PUS1: variants seen among roughly 807,000 people sequenced by gnomAD.
The protein encoded by PUS1 is pseudouridylate synthase 1 homolog.
In PUS1, 25 loss-of-function variants were observed where a neutral mutation model predicts 38.5. The observed-to-expected ratio is 0.65, with a 90% CI of 0.47 to 0.91. The LOEUF (loss-of-function observed/expected upper bound fraction) is 0.91. PUS1 is among the 40% of genes least tolerant of loss of function. The pLI, the probability that PUS1 is intolerant of heterozygous loss-of-function variation, is 0.00. For synonymous variants in PUS1, 282 were observed against 260.4 expected (o/e 1.08, Z -0.80); for missense variants, 597 against 612.3 (o/e 0.97, Z 0.26).
chr12:131,929,853 G>A, intron 1 of PUS1, 54 bp from the exon 2 acceptor site: 3 of 576,336 alleles, frequency 5.2e-6, no homozygotes, highest in East Asian at 7.9e-5. Flanking sequence ...GCCCACCCCA[G>A]TCCACCCCGC....
chr12:131,943,295 C>T (rs753279762), intron 5 of PUS1, among the ~76,000 whole-genome samples: 2 of 152,190 alleles, frequency 1.3e-5, no homozygotes, highest in Middle Eastern at 3.2e-3. Flanking sequence ...GTGGTCAGTG[C>T]GACCTGTGAG....
At position 131,930,018 on chromosome 12, in the gene PUS1, A is replaced by G. The variant is rs1057523352; in HGVS notation, c.186A>G (p.Gly62=). 5 of 1,475,078 alleles carry G rather than the reference A, an allele frequency of 3.4e-6. No individual in the cohort carries two copies. The highest frequency in any genetic ancestry group is 4.5e-6 in the Non-Finnish European group (5 of 1,119,156). The allele number at this position is 1,475,078 out of a possible 1,614,324, so 91.4% of individuals were successfully genotyped here. Residue 62 remains glycine (G), a synonymous_variant, in exon 2 of 6, where the codon GGA becomes GGG. Coordinates refer to ENST00000376649, the MANE Select transcript of PUS1 (RefSeq NM_025215.6). ...RAGGDRVWED[G]EHPAKKLKSG... Reference sequence around the variant, plus strand: ...GGGGCGACCGCGTCTGGGAGGACGGAGAACATCCGGCGAAGAAGCTCAAGA... The same window carrying G: ...GGGGCGACCGCGTCTGGGAGGACGGGGAACATCCGGCGAAGAAGCTCAAGA...
chr12:131,933,219 T>G (rs1316008906), intron 3 of PUS1, among the ~76,000 whole-genome samples: 2 of 148,770 alleles, frequency 1.3e-5, no homozygotes, highest in African/African-American at 5.0e-5. Context: ...TTTTTTTTAA[T>G]ATGGGGTCTT....
intron 3 of PUS1, chr12:131,932,696 A>G (rs547144631): frequency 1.0e-4 from 40 of 401,270 alleles, no homozygotes; most frequent in Non-Finnish European, 1.7e-4. Flanking sequence ...GTATGATGCA[A>G]CATTCTCTTT....
chr12:131,939,953 C>T (rs1031878323), intron 4 of PUS1, among the ~76,000 whole-genome samples: 3 of 152,058 alleles, frequency 2.0e-5, no homozygotes, highest in East Asian at 1.9e-4. Flanking sequence ...GTGAATCTGT[C>T]GTCTTGCTCT....
chr12:131,931,210 G>GT, intron 2 of PUS1, among the ~76,000 whole-genome samples: 1 of 152,136 alleles, frequency 6.6e-6, no homozygotes, highest in East Asian at 1.9e-4. Context: ...CCAGGCTGGA[G>GT]TGCAGTGGTG....
Position 131,929,948 on chromosome 12 carries a change from G to C in PUS1, c.116G>C (p.Gly39Ala), listed in dbSNP as rs199950927. 1.3e-6 allele frequency: 2 copies of C among 1,501,966 alleles called. No homozygotes were observed. The highest frequency in any genetic ancestry group is 2.1e-4 in the Middle Eastern group (1 of 4,874). 93.0% of individuals were successfully genotyped at this position (1,501,966 alleles called of 1,614,324 possible). The change falls in exon 2 of 6, where the codon GGA becomes GCA. Residue 39 changes from glycine to alanine, a missense_variant. Physicochemically the swap from Gly to Ala is moderately conservative, Grantham distance 60 (BLOSUM62 0). Transcript: ENST00000376649. ...GGGAACGCGGAGCCGCCGCCCGCCG[G>C]AGCCGCATGCCCCCAGGACCGGAGG... ...MAGNAEPPPA[G>A]AACPQDRRSC...
chr12:131,943,068 T>C (rs1891160407), intron 5 of PUS1, among the ~76,000 whole-genome samples: 2 of 152,248 alleles, frequency 1.3e-5, no homozygotes, highest in African/African-American at 2.4e-5. Flanking sequence ...TTAAATGTTA[T>C]CAAGGGAAAC....
Position 131,929,556 on chromosome 12 carries a change from C to A in PUS1, c.-167C>A. ...CGTCCAGGTCCGAGAGGTCAGGGGT[C>A]AGCTGGAGAGGGGCTGGGGCGCCGG... On this transcript the variant is annotated 5_prime_UTR_variant, in exon 1 of 6. Transcript: ENST00000376649. 1 of 563,668 alleles carries A rather than the reference C, an allele frequency of 1.8e-6. No individual in the cohort carries two copies. The highest frequency in any genetic ancestry group is 2.4e-5 in the South Asian group (1 of 41,624). The allele number at this position is 563,668 out of a possible 1,614,324, so 34.9% of individuals were successfully genotyped here. A position where few individuals can be genotyped will look rare whatever the true frequency, so the allele number is the denominator to read the frequency against.
In PUS1 at chr12:131,929,681, G is replaced by T; in HGVS notation, c.-42G>T. ...GGAGCTGGGGCACTGGGGGTCAGGG[G>T]TCGGGGATCAGGGCGGGGTCGGGTG... On this transcript the variant is annotated 5_prime_UTR_variant, in exon 1 of 6. Transcript: ENST00000376649. 1 of 1,513,742 alleles carries T rather than the reference G, an allele frequency of 6.6e-7. No homozygotes were observed. Among genetic ancestry groups the T allele is most frequent in the Non-Finnish European group, 8.8e-7 (1 of 1,132,668 alleles). 93.8% of individuals were successfully genotyped at this position (1,513,742 alleles called of 1,614,324 possible).
chr12:131,932,988 A>G (rs917830609), intron 3 of PUS1, among the ~76,000 whole-genome samples: 1 of 152,086 alleles, frequency 6.6e-6, no homozygotes. Flanking sequence ...GAGGAGGGTA[A>G]GGGGAAGAGC....
intron 3 of PUS1, among the ~76,000 whole-genome samples, chr12:131,936,575 CA>C (rs879478130): frequency 1.3e-5 from 2 of 151,772 alleles, no homozygotes; most frequent in Non-Finnish European, 2.9e-5. Context: ...AAAAACAAAA[CA>C]AAACAAAAGA....
chr12:131,930,214 G>A, intron 2 of PUS1, 79 bp downstream of exon 2: 1 of 1,062,486 alleles, frequency 9.4e-7, no homozygotes, highest in Non-Finnish European at 1.3e-6. Context: ...GGGTCCGGCT[G>A]GGTTTAGGTG....
chr12:131,940,430 G>T (rs779423803), intron 4 of PUS1, among the ~76,000 whole-genome samples: 1 of 152,154 alleles, frequency 6.6e-6, no homozygotes, highest in East Asian at 1.9e-4. Flanking sequence ...GGTGTGCCAC[G>T]GATTGTTTAT....
rs756406342 is a variant in PUS1, at chr12:131,941,789, G to A, written c.1042G>A (p.Gly348Ser). ...VHFEKYNQRF[G>S]NDGLHEPLDW... is the part of the protein sequence containing the mutation. The stretch of plus-strand genomic sequence containing the variant: ...CTTCGAGAAGTACAACCAGCGCTTT[G>A]GCAACGATGGGCTGCATGAGCCGCT... Residue 348 changes from glycine (G) to serine (S), a missense_variant, in exon 5 of 6, where the codon GGC becomes AGC. Physicochemically the swap from Gly to Ser is moderately conservative, Grantham distance 56 (BLOSUM62 0). Coordinates refer to ENST00000376649, the MANE Select transcript of PUS1 (RefSeq NM_025215.6). The surrounding 1 kb of genome is among the most constrained non-coding windows in gnomAD (Gnocchi z 4.4). 1.9e-6 allele frequency: 3 copies of A among 1,613,306 alleles called. No homozygotes were observed. The East Asian group carries it at 6.7e-5, about 36-fold the overall frequency.
At position 131,941,590 on chromosome 12, in the gene PUS1, G is replaced by T. The variant is rs765187140; in HGVS notation, c.843G>T (p.Val281=). The T allele has an allele frequency of 6.2e-7, 1 of 1,614,124 alleles. No homozygotes were observed. Among genetic ancestry groups the T allele is most frequent in the Admixed American group, 1.7e-5 (1 of 60,002 alleles). The change falls in exon 5 of 6, where the codon GTG becomes GTT. Residue 281 remains valine, a synonymous_variant. Coordinates refer to ENST00000376649, the MANE Select transcript of PUS1 (RefSeq NM_025215.6). This position sits in a 1 kb window ranked among gnomAD's most constrained non-coding sequence, Gnocchi z 4.4. ...PFVREGLEFA[V]IRVKGQSFMM... is the part of the protein sequence containing the mutation. The stretch of plus-strand genomic sequence containing the variant: ...TGCGGGAGGGCCTGGAGTTTGCGGT[G>T]ATCAGGGTGAAGGGCCAGAGCTTCA...
rs1891059596 is a variant in PUS1, at chr12:131,941,425, C to T, written c.678C>T (p.Ala226=). ...AGGATGAGACCTACCGCCTGAGCGC[C>T]GAGACGCTGCAGCAGGTCAACAGGC... ...DVQDETYRLS[A]ETLQQVNRLL... is the part of the protein sequence containing the mutation. The change falls in exon 5 of 6, where the codon GCC becomes GCT. Residue 226 remains alanine (A), a synonymous_variant. Coordinates refer to ENST00000376649, the MANE Select transcript of PUS1 (RefSeq NM_025215.6). This position sits in a 1 kb window ranked among gnomAD's most constrained non-coding sequence, Gnocchi z 4.4. The T allele has an allele frequency of 1.9e-6, 3 of 1,614,044 alleles. No homozygotes were observed. Among genetic ancestry groups the T allele is most frequent in the African/African-American group, 2.7e-5 (2 of 75,056 alleles).
rs750124736 is a variant in PUS1, at chr12:131,943,573, G to A, written c.1271G>A (p.Gly424Glu). Residue 424 changes from glycine (G) to glutamate (E), a missense_variant, in exon 6 of 6, where the codon GGA becomes GAA. Transcript: ENST00000376649. ...CCCCTGGAAGGCAGTGAAGGGGACG[G>A]AGACACTGACTGAGGCGATGGGAGC... Reference protein sequence around the residue: ...PSPLEGSEGDGDTD With the variant: ...PSPLEGSEGDEDTD 1.9e-6 allele frequency: 3 copies of A among 1,613,692 alleles called. No homozygotes were observed. The highest frequency in any genetic ancestry group is 2.5e-6 in the Non-Finnish European group (3 of 1,179,798).
intron 3 of PUS1, among the ~76,000 whole-genome samples, chr12:131,936,045 T>C (rs1267127964): frequency 6.6e-6 from 1 of 151,486 alleles, no homozygotes; most frequent in Non-Finnish European, 1.5e-5. Flanking sequence ...ACCCCGTCTC[T>C]ACTAAAGATA....
Sources: gnomAD v4.1 joint callset for allele counts (sites outside exome capture counted in the v4.1 genomes callset) on GRCh38, gnomAD v4.1.1 for gene constraint, Gnocchi (gnomAD v3.1) non-coding constraint, MANE v1.5 for transcripts, NCBI Gene and HGNC (gene_info 2026-07-23, HGNC 2026-07-21) for gene names.